The following HOOK1 variants were observed in gnomAD, a reference collection of about 807,000 sequenced individuals.
HOOK1 encodes the protein protein Hook homolog 1.
HOOK1 carries 60 observed loss-of-function variants against 112.8 expected under a neutral mutation model. That is an observed-to-expected ratio of 0.53 (90% CI 0.43 to 0.66). HOOK1 has a LOEUF of 0.66. Ranked by LOEUF, HOOK1 falls within the 30% of genes least tolerant of loss-of-function variation. HOOK1 has a pLI of 0.00. For missense variants in HOOK1, 770 were observed against 856.0 expected, an observed-to-expected ratio of 0.90 and a Z score of 1.25; for synonymous variants, 294 against 283.8, an observed-to-expected ratio of 1.04 and a Z score of -0.36.
At chr1:59,838,983 G>A (rs1372455626) in intron 7 of HOOK1, among the ~76,000 whole-genome samples, 1 of 152,114 alleles carries the variant, frequency 6.6e-6, no homozygotes, top group Non-Finnish European at 1.5e-5. Context: ...GTGTGTGTCA[G>A]GTTTATCAAA....
chr1:59,875,165 C>T lies in HOOK1; in HGVS notation c.*2200C>T, dbSNP rs186664694. On this transcript the variant is annotated 3_prime_UTR_variant, in exon 22 of 22. Transcript: ENST00000371208. ...GAGATTTTACAAGCCCTTCAAACTC[C>T]GTTTTAAAGGAATTTATTGTAAAAC... The T allele has an allele frequency of 4.6e-5, 7 of 152,584 alleles. No individual in the cohort carries two copies. Among genetic ancestry groups the T allele is most frequent in the Admixed American group, 1.3e-4 (2 of 15,268 alleles). The allele number at this position is 152,584 out of a possible 1,614,324, so 9.5% of individuals were successfully genotyped here.
In HOOK1 at chr1:59,836,594, T is replaced by C. The variant is rs1012363974; in HGVS notation, c.475-279T>C. Among the ~76,000 whole-genome samples the C allele has an allele frequency of 2.0e-5, 3 of 152,328 alleles. No homozygotes were observed. The East Asian group carries it at 5.8e-4, about 29-fold the overall frequency. On this transcript the variant is annotated intron_variant, in intron 6 of 21. Transcript: ENST00000371208. ...GTTCACTCTTTATCAGTAATATGTC[T>C]TTTAGGACTTGTATTGAAATTTGTC... is the stretch of plus-strand genomic sequence containing the variant.
intron 9 of HOOK1, among the ~76,000 whole-genome samples, chr1:59,844,761 T>C (rs2098402770): frequency 6.6e-6 from 1 of 152,012 alleles, no homozygotes; most frequent in Non-Finnish European, 1.5e-5. Flanking sequence ...GTTTCTAGCA[T>C]AGAAGTCTTG....
chr1:59,846,592 T>TCCCTC (rs374267510), intron 9 of HOOK1, among the ~76,000 whole-genome samples: 9 of 43,352 alleles, frequency 2.1e-4, no homozygotes, highest in South Asian at 8.9e-4. Flanking sequence ...CCTTCCTCCC[T>TCCCTC]CCTCCCTCCC....
chr1:59,854,955 ACAAG>A (rs2098409721), intron 12 of HOOK1, among the ~76,000 whole-genome samples: 1 of 152,240 alleles, frequency 6.6e-6, no homozygotes, highest in Admixed American at 6.5e-5. Context: ...AACAACGACA[ACAAG>A]CAGTCAACAG....
chr1:59,833,743 T>C (rs1367954520), intron 5 of HOOK1, among the ~76,000 whole-genome samples: 1 of 152,192 alleles, frequency 6.6e-6, no homozygotes, highest in Non-Finnish European at 1.5e-5. Flanking sequence ...GATATTCATA[T>C]TCAGTGGCTA....
chr1:59,872,928 ATC>A lies in HOOK1; in HGVS notation c.2156_2157del (p.Ser719CysfsTer2), dbSNP rs1257444209. 3 of 1,521,438 alleles carry A rather than the reference ATC, an allele frequency of 2.0e-6. No individual in the cohort carries two copies. The highest frequency in any genetic ancestry group is 5.0e-5 in the East Asian group (2 of 40,128). 94.2% of individuals were successfully genotyped at this position (1,521,438 alleles called of 1,614,324 possible). On this transcript the variant is annotated frameshift_variant, in exon 22 of 22. Coordinates refer to ENST00000371208, the MANE Select transcript of HOOK1 (RefSeq NM_015888.6). LOFTEE classifies it high-confidence loss of function. The stretch of plus-strand genomic sequence containing the variant: ...CGGCACATCACCAACACCAGAAGAA[ATC>A]TCTCTGTTAAAGTCCCTGCTACAAC...
At chr1:59,823,137 G>A (rs2098386943) in intron 2 of HOOK1, among the ~76,000 whole-genome samples, 2 of 152,168 alleles carry the variant, frequency 1.3e-5, no homozygotes, top group African/African-American at 2.4e-5. Context: ...TGGCTAACAT[G>A]GTGAAACCCC....
At position 59,815,074 on chromosome 1, in the gene HOOK1, G is replaced by A. The variant is rs941008189; in HGVS notation, c.-44G>A. On this transcript the variant is annotated 5_prime_UTR_variant, in exon 1 of 22. Transcript: ENST00000371208. ...GCTCCTGGAGGAGAGCCGGTAGGAG[G>A]GAGTGTGAAGGTGTCCGCGGCGTCG... The A allele has an allele frequency of 8.0e-6, 11 of 1,378,132 alleles. No homozygotes were observed. Among genetic ancestry groups the A allele is most frequent in the African/African-American group, 3.2e-5 (1 of 31,420 alleles). 85.4% of individuals were successfully genotyped at this position (1,378,132 alleles called of 1,614,324 possible). A position where few individuals can be genotyped will look rare whatever the true frequency, so the allele number is the denominator to read the frequency against.
intron 14 of HOOK1, among the ~76,000 whole-genome samples, chr1:59,859,754 A>T (rs1210505030): frequency 6.6e-6 from 1 of 152,042 alleles, no homozygotes. Context: ...ATTATAAGGT[A>T]TATATTAAAA....
intron 12 of HOOK1, among the ~76,000 whole-genome samples, chr1:59,856,843 C>G (rs1205728661): frequency 6.6e-6 from 1 of 152,120 alleles, no homozygotes; most frequent in African/African-American, 2.4e-5. Context: ...CCTGTTTGCT[C>G]AGGGCCTCAT....
chr1:59,859,062 AT>A lies in HOOK1; in HGVS notation c.1391+20del, dbSNP rs1401851195. ...GGAATATAGGTAAATTTGTTTCATAATTTGATAGAATTATATTTAATATTAT... is the reference window on the plus strand; with the variant it reads ...GGAATATAGGTAAATTTGTTTCATAATTGATAGAATTATATTTAATATTAT... On this transcript the variant is annotated intron_variant, in intron 14 of 21. Coordinates refer to ENST00000371208, the MANE Select transcript of HOOK1 (RefSeq NM_015888.6). 7.8e-7 allele frequency: 1 copy of A among 1,280,098 alleles called. No individual in the cohort carries two copies. The highest frequency in any genetic ancestry group is 1.1e-6 in the Non-Finnish European group (1 of 934,280). 79.3% of individuals were successfully genotyped at this position (1,280,098 alleles called of 1,614,324 possible). A position where few individuals can be genotyped will look rare whatever the true frequency, so the allele number is the denominator to read the frequency against.
chr1:59,852,302 T>C (rs552631511), intron 12 of HOOK1, among the ~76,000 whole-genome samples: 2 of 151,974 alleles, frequency 1.3e-5, no homozygotes, highest in East Asian at 3.9e-4. Flanking sequence ...GTTAATAAAT[T>C]ACTAATTCAA....
Position 59,875,257 on chromosome 1 carries a change from A to G in HOOK1, c.*2292A>G, listed in dbSNP as rs1293056386. 6.6e-6 allele frequency: 1 copy of G among 152,548 alleles called. No individual in the cohort carries two copies. The highest frequency in any genetic ancestry group is 1.5e-5 in the Non-Finnish European group (1 of 67,988). The allele number at this position is 152,548 out of a possible 1,614,324, so 9.4% of individuals were successfully genotyped here. ...ATACTTGGAACTTCTAAATCATGCA[A>G]TTTCTGAATAAGGACATAAGGCTAG... On this transcript the variant is annotated 3_prime_UTR_variant, in exon 22 of 22. Transcript: ENST00000371208.
At chr1:59,834,689 C>T (rs1482251278) in intron 5 of HOOK1, among the ~76,000 whole-genome samples, 2 of 151,738 alleles carry the variant, frequency 1.3e-5, no homozygotes, top group South Asian at 2.1e-4. Flanking sequence ...TTTATTTTTT[C>T]ATTGATTAAT....
At position 59,873,813 on chromosome 1, in the gene HOOK1, T is replaced by G. The variant is rs1644095149; in HGVS notation, c.*848T>G. 1 of 147,456 alleles carries G rather than the reference T, an allele frequency of 6.8e-6. No homozygotes were observed. Among genetic ancestry groups the G allele is most frequent in the African/African-American group, 2.5e-5 (1 of 40,298 alleles). 9.1% of individuals were successfully genotyped at this position (147,456 alleles called of 1,614,324 possible). A position where few individuals can be genotyped will look rare whatever the true frequency, so the allele number is the denominator to read the frequency against. On this transcript the variant is annotated 3_prime_UTR_variant, in exon 22 of 22. Transcript: ENST00000371208. ...CTTTTTAAGGTAATTAATGAAGATT[T>G]CAGTTATTGCTTTTAAGCATAAAGT...
In HOOK1 at chr1:59,833,436, T is replaced by C. The variant is rs2098395432; in HGVS notation, c.305T>C (p.Ile102Thr). ...FLGQQISEAL[I>T]PDLNQITECS... ...GGGCAGCAGATTTCAGAAGCACTTA[T>C]CCCTGATTTAAACCAAATAACCGAA... Residue 102 changes from isoleucine to threonine, a missense_variant, in exon 5 of 22, where the codon ATC (isoleucine) becomes ACC (threonine). By Grantham distance (89) the Ile-to-Thr change is moderately conservative. This residue lies in a region of HOOK1 where 655 missense variants were observed against 725.9 expected (regional missense o/e 0.90). Transcript: ENST00000371208. The C allele has an allele frequency of 6.4e-7, 1 of 1,565,656 alleles. No individual in the cohort carries two copies. Among genetic ancestry groups the C allele is most frequent in the South Asian group, 1.2e-5 (1 of 83,426 alleles).
At chr1:59,872,682 G>T in intron 21 of HOOK1, 113 bp from the exon 22 acceptor site, 2 of 592,486 alleles carry the variant, frequency 3.4e-6, no homozygotes, top group Non-Finnish European at 2.5e-6. Context: ...TAAAAATGAG[G>T]AAAGCCTTAG....
intron 18 of HOOK1, 87 bp downstream of exon 18, chr1:59,865,332 GT>G: frequency 1.3e-6 from 1 of 752,638 alleles, no homozygotes; most frequent in Non-Finnish European, 2.3e-6. Flanking sequence ...CTATGTGTAA[GT>G]TTTTGCACAA....
Sources: allele counts gnomAD v4.1 joint callset (sites outside exome capture counted in the v4.1 genomes callset), GRCh38; gene constraint gnomAD v4.1.1; regional missense constraint gnomAD v4.1.1; transcripts MANE v1.5; gene names NCBI Gene and HGNC (gene_info 2026-07-23, HGNC 2026-07-21).